AGBL4: variants seen among roughly 807,000 people sequenced by gnomAD.
AGBL4 encodes the protein AGBL carboxypeptidase 4.
Under a neutral mutation model 66.4 loss-of-function variants are expected in AGBL4, and 58 were observed. The ratio of observed to expected loss-of-function variants is 0.87; its 90% CI spans 0.71 to 1.09. The LOEUF (loss-of-function observed/expected upper bound fraction) is 1.09. Among genes scored for constraint, AGBL4 ranks in the 50% least tolerant of loss-of-function variants. AGBL4 has a pLI of 0.00. For synonymous variants in AGBL4, 234 were observed against 222.9 expected (o/e 1.05, Z -0.44); for missense variants, 579 against 631.0 (o/e 0.92, Z 0.88).
chr1:49,075,516 T>C (rs1644692961), intron 4 of AGBL4, among the ~76,000 whole-genome samples: 1 of 152,338 alleles, frequency 6.6e-6, no homozygotes, highest in Non-Finnish European at 1.5e-5. Flanking sequence ...AAATGTTTTA[T>C]CATCACCTTT....
chr1:49,595,738 G>A (rs988427433), intron 3 of AGBL4, among the ~76,000 whole-genome samples: 75 of 152,186 alleles, frequency 4.9e-4, no homozygotes, highest in African/African-American at 1.7e-3. Flanking sequence ...AGAAGGCACA[G>A]AAGGTTTTAT....
chr1:48,556,620 G>T (rs1461649443), intron 11 of AGBL4, among the ~76,000 whole-genome samples: 1 of 152,138 alleles, frequency 6.6e-6, no homozygotes, highest in African/African-American at 2.4e-5. Flanking sequence ...TTCTTCAGAC[G>T]TCAGCTCCAC....
At chr1:49,147,359 A>G (rs1159969458) in intron 4 of AGBL4, among the ~76,000 whole-genome samples, 1 of 152,146 alleles carries the variant, frequency 6.6e-6, no homozygotes, top group African/African-American at 2.4e-5. Flanking sequence ...ATTACACAGG[A>G]GTGTATTCTA....
At chr1:49,697,227 A>C (rs1261843506) in intron 3 of AGBL4, 86 bp downstream of exon 3, 1 of 1,374,164 alleles carries the variant, frequency 7.3e-7, no homozygotes, top group Admixed American at 2.1e-5. Flanking sequence ...TTCTTAATAT[A>C]GTCATTATTT....
rs184768387 is a variant in AGBL4, at chr1:49,051,833, T to G, written c.378-6033A>C. Among the ~76,000 whole-genome samples, 441 of 152,216 alleles carry G rather than the reference T, an allele frequency of 2.9e-3. 2 individuals carry two copies. Among genetic ancestry groups the G allele is most frequent in the African/African-American group, 0.01 (418 of 41,550 alleles). Reference sequence around the variant, plus strand: ...TTGTCACAGCTAATCTCTTGGTGAGTCACAGGGAGAGGGAGAAAGAGTAAG... The same window carrying G: ...TTGTCACAGCTAATCTCTTGGTGAGGCACAGGGAGAGGGAGAAAGAGTAAG... On this transcript the variant is annotated intron_variant, in intron 4 of 13. Transcript: ENST00000371839.
intron 5 of AGBL4, among the ~76,000 whole-genome samples, chr1:48,918,161 G>A (rs973585309): frequency 6.0e-4 from 92 of 152,214 alleles, no homozygotes; most frequent in Admixed American, 2.0e-4. Context: ...ATTGCTGGTC[G>A]TGCTGACAAG....
chr1:49,179,484 C>G (rs1194462960), intron 4 of AGBL4, among the ~76,000 whole-genome samples: 1 of 151,890 alleles, frequency 6.6e-6, no homozygotes, highest in African/African-American at 2.4e-5. Context: ...GTGCCTCATA[C>G]TGGGCCTTGA....
intron 3 of AGBL4, among the ~76,000 whole-genome samples, chr1:49,545,685 G>A (rs1228360598): frequency 6.6e-6 from 1 of 152,100 alleles, no homozygotes; most frequent in Non-Finnish European, 1.5e-5. Flanking sequence ...TGAAACATAT[G>A]TAAAATTTTA....
At chr1:49,847,667 T>C (rs1314651133) in intron 2 of AGBL4, among the ~76,000 whole-genome samples, 5 of 151,796 alleles carry the variant, frequency 3.3e-5, no homozygotes, top group African/African-American at 1.2e-4. Flanking sequence ...TGAATAAATA[T>C]TTTTTAAAAA....
At chr1:49,667,216 T>C (rs1189391689) in intron 3 of AGBL4, among the ~76,000 whole-genome samples, 1 of 152,078 alleles carries the variant, frequency 6.6e-6, no homozygotes, top group Non-Finnish European at 1.5e-5. Context: ...CCCAGCACTT[T>C]GGAAGGCCAA....
At chr1:49,164,171 G>T (rs565486268) in intron 4 of AGBL4, among the ~76,000 whole-genome samples, 1 of 152,208 alleles carries the variant, frequency 6.6e-6, no homozygotes, top group East Asian at 1.9e-4. Flanking sequence ...TGGATGTAAG[G>T]GTCGTGTAGG....
At chr1:49,581,649 G>A (rs1558073177) in intron 3 of AGBL4, among the ~76,000 whole-genome samples, 1 of 152,170 alleles carries the variant, frequency 6.6e-6, no homozygotes, top group African/African-American at 2.4e-5. Context: ...TTAGGGCATG[G>A]TTATTGATGG....
chr1:49,363,997 T>C (rs546092907), intron 3 of AGBL4, among the ~76,000 whole-genome samples: 1 of 152,340 alleles, frequency 6.6e-6, no homozygotes, highest in East Asian at 1.9e-4. Context: ...GAATCTTTTC[T>C]GGAGGCTGTG....
chr1:49,813,918 C>T (rs1030611404), intron 2 of AGBL4, among the ~76,000 whole-genome samples: 12 of 152,052 alleles, frequency 7.9e-5, no homozygotes, highest in African/African-American at 1.9e-4. Flanking sequence ...CTGAATCATG[C>T]GGGCAGGTCT....
At chr1:49,952,338 T>TA (rs1245759175) in intron 1 of AGBL4, among the ~76,000 whole-genome samples, 5 of 151,642 alleles carry the variant, frequency 3.3e-5, no homozygotes, top group African/African-American at 1.2e-4. Context: ...AAGTATATGA[T>TA]AAAATCAATA....
intron 6 of AGBL4, among the ~76,000 whole-genome samples, chr1:48,691,527 A>T (rs929457258): frequency 3.9e-5 from 6 of 152,188 alleles, no homozygotes; most frequent in African/African-American, 1.4e-4. Context: ...GTTAAGAATG[A>T]GAATGTTCGC....
chr1:48,867,630 G>A (rs1477694323), intron 5 of AGBL4, among the ~76,000 whole-genome samples: 1 of 152,116 alleles, frequency 6.6e-6, no homozygotes, highest in African/African-American at 2.4e-5. Flanking sequence ...CTGGTTGAGT[G>A]TCCGATATAT....
At chr1:49,526,141 A>G (rs1353878619) in intron 3 of AGBL4, among the ~76,000 whole-genome samples, 1 of 151,952 alleles carries the variant, frequency 6.6e-6, no homozygotes, top group Non-Finnish European at 1.5e-5. Flanking sequence ...CTGCCTTAGG[A>G]TTAGCAATTG....
chr1:49,578,068 C>T lies in AGBL4; in HGVS notation c.282+119245G>A, dbSNP rs1009340174. On this transcript the variant is annotated intron_variant, in intron 3 of 13. Transcript: ENST00000371839. The stretch of plus-strand genomic sequence containing the variant: ...GAGGTCTTAGTTCCAGAGGGAGGAA[C>T]GCTGCCACCAGGAGGCACAACAACA... Among the ~76,000 whole-genome samples the T allele has an allele frequency of 5.9e-5, 9 of 152,070 alleles. No individual in the cohort carries two copies. The East Asian group carries it at 7.7e-4, about 13-fold the overall frequency.
Sources: allele counts gnomAD v4.1 joint callset (sites outside exome capture counted in the v4.1 genomes callset), GRCh38; gene constraint gnomAD v4.1.1; transcripts MANE v1.5; gene names NCBI Gene and HGNC (gene_info 2026-07-23, HGNC 2026-07-21).